PVR: variants seen among roughly 807,000 people sequenced by gnomAD.
The protein encoded by PVR is PVR cell adhesion molecule.
PVR carries 39 observed loss-of-function variants against 43.3 expected under a neutral mutation model. That is an observed-to-expected ratio of 0.90 (90% CI 0.70 to 1.18). The LOEUF (loss-of-function observed/expected upper bound fraction) is 1.18. Among genes scored for constraint, PVR ranks in the 50% most tolerant of loss-of-function variants. The pLI is 0.00. For synonymous variants in PVR, 224 were observed against 233.2 expected (o/e 0.96, Z 0.36); for missense variants, 480 against 549.7 (o/e 0.87, Z 1.27).
intron 2 of PVR, 50 bp from the exon 3 acceptor site, chr19:44,649,759 G>A: frequency 1.3e-6 from 2 of 1,582,278 alleles, no homozygotes; most frequent in Non-Finnish European, 1.7e-6. Context: ...GCCCCCTTCT[G>A]CCACGGAGGG....
At chr19:44,644,497 A>G (rs1481121184) in intron 1 of PVR, among the ~76,000 whole-genome samples, 1 of 152,034 alleles carries the variant, frequency 6.6e-6, no homozygotes, top group Non-Finnish European at 1.5e-5. Flanking sequence ...AGGCAAGTGA[A>G]TCCCGGAAAA....
intron 3 of PVR, 70 bp from the exon 4 acceptor site, chr19:44,653,830 G>C: frequency 1.9e-6 from 2 of 1,075,188 alleles, no homozygotes; most frequent in Admixed American, 1.8e-5. Context: ...CTGCAGTGTC[G>C]TGAATCCCGC....
chr19:44,663,935 A>G lies in PVR; in HGVS notation c.*2124A>G, dbSNP rs1315016294. On this transcript the variant is annotated 3_prime_UTR_variant, in exon 8 of 8. Transcript: ENST00000425690. ...ATGCTAAGCTAATTTTTTTAATTAGATAGTACATAAACGTCCCAAAATTAG... is the reference window on the plus strand; with the variant it reads ...ATGCTAAGCTAATTTTTTTAATTAGGTAGTACATAAACGTCCCAAAATTAG... 6.6e-6 allele frequency among the ~76,000 whole-genome samples: 1 copy of G among 152,060 alleles called. No individual in the cohort carries two copies. Among genetic ancestry groups the G allele is most frequent in the African/African-American group, 2.4e-5 (1 of 41,396 alleles).
intron 7 of PVR, 147 bp downstream of exon 7, chr19:44,661,470 G>T: frequency 1.2e-5 from 11 of 893,298 alleles, no homozygotes; most frequent in Admixed American, 4.3e-5. Flanking sequence ...CCTGCTGGGC[G>T]GAATCCCCTG....
Position 44,659,218 on chromosome 19 carries a change from G to A in PVR, c.1150+318G>A, listed in dbSNP as rs143760407. On this transcript the variant is annotated intron_variant, in intron 6 of 7. Coordinates refer to ENST00000425690, the MANE Select transcript of PVR (RefSeq NM_006505.5). ...TTAAGCCCTCAGCCTTACTCCATCTGCCTTGTTCAGGAGTGACTCCTAGGA... is the reference window on the plus strand; with the variant it reads ...TTAAGCCCTCAGCCTTACTCCATCTACCTTGTTCAGGAGTGACTCCTAGGA... 1.3e-3 allele frequency: 338 copies of A among 256,966 alleles called. 3 individuals are homozygous for A. Among genetic ancestry groups the A allele is most frequent in the African/African-American group, 6.9e-3 (310 of 44,778 alleles). 15.9% of individuals were successfully genotyped at this position (256,966 alleles called of 1,614,324 possible).
chr19:44,656,298 A>G (rs769932569), intron 4 of PVR, among the ~76,000 whole-genome samples: 51 of 152,282 alleles, frequency 3.3e-4, no homozygotes, highest in Admixed American at 2.0e-3. Context: ...GTCCATCCCC[A>G]CTGGTCACTT....
In PVR at chr19:44,644,612, G is replaced by T. The variant is rs116753796; in HGVS notation, c.79+437G>T. 7.4e-3 allele frequency among the ~76,000 whole-genome samples: 1,127 copies of T among 152,176 alleles called. 12 individuals carry two copies. The highest frequency in any genetic ancestry group is 0.025 in the African/African-American group (1,056 of 41,524). On this transcript the variant is annotated intron_variant, in intron 1 of 7. Transcript: ENST00000425690. ...TGGCAGGCTGGGTCTGGACGGAGGG[G>T]ATGGTTGATGTTGGGGAGGAGGACA... is the stretch of plus-strand genomic sequence containing the variant.
At chr19:44,649,734 G>T (rs1973224915) in intron 2 of PVR, 75 bp from the exon 3 acceptor site, 10 of 1,509,188 alleles carry the variant, frequency 6.6e-6, no homozygotes, top group Non-Finnish European at 7.3e-6. Flanking sequence ...ATGCCATCCT[G>T]TACCCTTAAT....
chr19:44,660,267 GCCTGTATCTGGGC>G (rs1973559314), intron 6 of PVR, among the ~76,000 whole-genome samples: 1 of 152,150 alleles, frequency 6.6e-6, no homozygotes, highest in Admixed American at 6.6e-5. Context: ...GAGCCAGACT[GCCTGTATCTGGGC>G]CCTAAAGCTA....
intron 1 of PVR, among the ~76,000 whole-genome samples, chr19:44,645,323 ATATAT>A (rs1453103017): frequency 8.3e-5 from 10 of 119,992 alleles, no homozygotes; most frequent in East Asian, 2.2e-4. Flanking sequence ...TATTTATAAC[ATATAT>A]TATTTATATA....
At chr19:44,645,618 G>A (rs1973095979) in intron 1 of PVR, among the ~76,000 whole-genome samples, 2 of 150,376 alleles carry the variant, frequency 1.3e-5, no homozygotes, top group African/African-American at 2.4e-5. Context: ...TGCTCACCTG[G>A]CTAATTTTTT....
intron 1 of PVR, among the ~76,000 whole-genome samples, chr19:44,646,267 G>A (rs766751215): frequency 3.5e-4 from 54 of 152,246 alleles, no homozygotes; most frequent in Middle Eastern, 3.4e-3. Flanking sequence ...AAACTCCTGG[G>A]CTATAATTGC....
chr19:44,645,415 G>GTGTATATATATA (rs1255385112), intron 1 of PVR, among the ~76,000 whole-genome samples: 24 of 83,814 alleles, frequency 2.9e-4, no homozygotes, highest in South Asian at 1.1e-3. Flanking sequence ...TATGTTTTGT[G>GTGTATATATATA]TATATATATA....
At chr19:44,652,927 C>G (rs1190929295) in intron 3 of PVR, among the ~76,000 whole-genome samples, 2 of 151,884 alleles carry the variant, frequency 1.3e-5, no homozygotes, top group African/African-American at 2.4e-5. Context: ...TTATTTTGTC[C>G]TAGTAAAGCC....
At position 44,662,652 on chromosome 19, in the gene PVR, G is replaced by C. The variant is rs1973618305; in HGVS notation, c.*841G>C. On this transcript the variant is annotated 3_prime_UTR_variant, in exon 8 of 8. Transcript: ENST00000425690. ...AGAGTGGCCCAAGACTCCAAGATCA[G>C]CTACCAGGCAGGATATTCCAAGGGC... 2 of 152,374 alleles carry C rather than the reference G, an allele frequency of 1.3e-5. No individual in the cohort carries two copies. Among genetic ancestry groups the C allele is most frequent in the South Asian group, 4.2e-4 (2 of 4,816 alleles). The allele number at this position is 152,374 out of a possible 1,614,324, so 9.4% of individuals were successfully genotyped here.
At chr19:44,644,266 G>T in intron 1 of PVR, 91 bp downstream of exon 1, 2 of 1,015,144 alleles carry the variant, frequency 2.0e-6, no homozygotes, top group Non-Finnish European at 2.7e-6. Context: ...TCCCGAAGAT[G>T]ACGGCCCCGC....
At chr19:44,655,673 T>C (rs1210037210) in intron 4 of PVR, among the ~76,000 whole-genome samples, 1 of 152,166 alleles carries the variant, frequency 6.6e-6, no homozygotes, top group African/African-American at 2.4e-5. Context: ...TCCCCCACGT[T>C]GTATTAGGAA....
intron 6 of PVR, among the ~76,000 whole-genome samples, chr19:44,660,779 C>T (rs1233000104): frequency 1.3e-5 from 2 of 152,122 alleles, no homozygotes; most frequent in African/African-American, 2.4e-5. Flanking sequence ...CCACCTCAGC[C>T]TCCCAGAGTG....
At chr19:44,661,523 T>C (rs1188334337) in intron 7 of PVR, among the ~76,000 whole-genome samples, 200 bp downstream of exon 7, 1 of 152,098 alleles carries the variant, frequency 6.6e-6, no homozygotes, top group Non-Finnish European at 1.5e-5. Flanking sequence ...TGGTCTGTGA[T>C]GGGGCCAGGG....
Sources: gnomAD v4.1 joint callset for allele counts (sites outside exome capture counted in the v4.1 genomes callset) on GRCh38, gnomAD v4.1.1 for gene constraint, MANE v1.5 for transcripts, NCBI Gene and HGNC (gene_info 2026-07-23, HGNC 2026-07-21) for gene names.